Variants in EXD3 observed in about 807,000 individuals in gnomAD.
EXD3 encodes exonuclease mut-7 homolog.
Under a neutral mutation model 98.0 loss-of-function variants are expected in EXD3, and 92 were observed. That is an observed-to-expected ratio of 0.94 (90% CI 0.79 to 1.12). EXD3 has a LOEUF of 1.12. Among genes scored for constraint, EXD3 ranks in the 50% most tolerant of loss-of-function variants. EXD3 has a pLI of 0.00. For missense variants in EXD3, 1,222 were observed against 1,191.6 expected, an observed-to-expected ratio of 1.03 and a Z score of -0.38; for synonymous variants, 569 against 526.0, an observed-to-expected ratio of 1.08 and a Z score of -1.12.
At chr9:137,387,453 G>A (rs528874868) in intron 2 of EXD3, among the ~76,000 whole-genome samples, 14 of 152,294 alleles carry the variant, frequency 9.2e-5, no homozygotes, top group African/African-American at 2.9e-4. Context: ...GCTCAGACAC[G>A]GCCATGCTGA....
At chr9:137,382,830 C>T (rs966446709) in intron 3 of EXD3, among the ~76,000 whole-genome samples, 24 of 152,182 alleles carry the variant, frequency 1.6e-4, no homozygotes, top group East Asian at 5.8e-4. Flanking sequence ...AGCCGGAATC[C>T]GCGTCTGCCC....
intron 12 of EXD3, 35 bp downstream of exon 12, chr9:137,352,031 C>A (rs1415320398): frequency 1.3e-6 from 2 of 1,581,024 alleles, no homozygotes; most frequent in African/African-American, 2.7e-5. Context: ...GGGGATCCCA[C>A]CACCGGGCGC....
chr9:137,381,788 C>T (rs968409506), intron 3 of EXD3, among the ~76,000 whole-genome samples: 1 of 152,228 alleles, frequency 6.6e-6, no homozygotes, highest in Non-Finnish European at 1.5e-5. Context: ...CCATGTGCAG[C>T]CGGCTCTAGG....
chr9:137,412,001 G>GTCTCCC (rs1588440657), intron 1 of EXD3, among the ~76,000 whole-genome samples: 1 of 152,154 alleles, frequency 6.6e-6, no homozygotes, highest in East Asian at 1.9e-4. Flanking sequence ...AGTGGGCTGT[G>GTCTCCC]TGCCCCCCAG....
chr9:137,406,096 G>A (rs894905619), intron 1 of EXD3, among the ~76,000 whole-genome samples: 2 of 151,894 alleles, frequency 1.3e-5, no homozygotes, highest in Non-Finnish European at 2.9e-5. Context: ...TGCACCTGTA[G>A]TCCCAGCTAC....
chr9:137,351,165 C>T lies in EXD3; in HGVS notation c.1385-18G>A, dbSNP rs543839944. 5.1e-5 allele frequency: 79 copies of T among 1,558,786 alleles called. 2 individuals carry two copies. The South Asian group carries it at 6.7e-4, about 13-fold the overall frequency. On this transcript the variant is annotated intron_variant, in intron 13 of 21. Coordinates refer to ENST00000340951, the MANE Select transcript of EXD3 (RefSeq NM_017820.5). ...CCCGTAGCCTGTGGGCAGGAACCAT[C>T]GTGGGAGGGGCGCCTGCAGGCAGGG...
intron 1 of EXD3, among the ~76,000 whole-genome samples, chr9:137,416,464 C>T (rs1212337019): frequency 6.6e-6 from 1 of 152,388 alleles, no homozygotes; most frequent in African/African-American, 2.4e-5. Flanking sequence ...CACCGCCTCA[C>T]CTCCCAGGTC....
chr9:137,392,576 T>TC, intron 2 of EXD3: 1 of 235,942 alleles, frequency 4.2e-6, no homozygotes, highest in Non-Finnish European at 8.5e-6. Context: ...CTTGTGGAGC[T>TC]GGCCTTGTTG....
chr9:137,386,804 G>A lies in EXD3; in HGVS notation c.56-3427C>T, dbSNP rs559956828. On this transcript the variant is annotated intron_variant, in intron 2 of 21. Coordinates refer to ENST00000340951, the MANE Select transcript of EXD3 (RefSeq NM_017820.5). ...GCCTCCCTCAGCACCCCTGCTCCCTGCCTGGCCCCCTCAGCACACCTGCTC... is the reference window on the plus strand; with the variant it reads ...GCCTCCCTCAGCACCCCTGCTCCCTACCTGGCCCCCTCAGCACACCTGCTC... Among the ~76,000 whole-genome samples the A allele has an allele frequency of 1.4e-4, 20 of 143,200 alleles. No homozygotes were observed. In the South Asian group the frequency reaches 4.5e-3, roughly 32 times the overall value. 93.9% of individuals were successfully genotyped at this position (143,200 alleles called of 152,430 possible).
At chr9:137,368,662 C>G (rs962103787) in intron 5 of EXD3, among the ~76,000 whole-genome samples, 1 of 152,252 alleles carries the variant, frequency 6.6e-6, no homozygotes, top group Non-Finnish European at 1.5e-5. Context: ...GCCCCGCCCC[C>G]GCGCAGCCCA....
At chr9:137,416,252 G>A (rs1358673703) in intron 1 of EXD3, among the ~76,000 whole-genome samples, 1 of 152,210 alleles carries the variant, frequency 6.6e-6, no homozygotes, top group Non-Finnish European at 1.5e-5. Flanking sequence ...ACCAGGGGGA[G>A]GGCACTGCAC....
At chr9:137,367,895 C>T (rs1370812250) in intron 6 of EXD3, 41 bp downstream of exon 6, 2 of 1,597,104 alleles carry the variant, frequency 1.3e-6, no homozygotes, top group Non-Finnish European at 1.7e-6. Flanking sequence ...GGGCGTTATC[C>T]AAGTTTGAAC....
rs1413130732 is a variant in EXD3, at chr9:137,385,295, C to A, written c.56-1918G>T. ...GGAGGACGGAGCAAGTGCATCAGCC[C>A]CGGGACGATGCCCAGGTGGGGAGGA... On this transcript the variant is annotated intron_variant, in intron 2 of 21. Transcript: ENST00000340951. The surrounding 1 kb of genome is among the most constrained non-coding windows in gnomAD (Gnocchi z 4.4). Among the ~76,000 whole-genome samples the A allele has an allele frequency of 6.6e-6, 1 of 152,110 alleles. No homozygotes were observed. The highest frequency in any genetic ancestry group is 1.5e-5 in the Non-Finnish European group (1 of 68,034).
intron 3 of EXD3, among the ~76,000 whole-genome samples, chr9:137,378,964 T>TGGG (rs1836064024): frequency 2.1e-5 from 2 of 96,986 alleles, no homozygotes; most frequent in African/African-American, 4.1e-5. Flanking sequence ...CGGTGACCAT[T>TGGG]GCCTGGGGCC....
At position 137,403,275 on chromosome 9, in the gene EXD3, C is replaced by T. The variant is rs1488181303; in HGVS notation, c.-47-7871G>A. 3.3e-5 allele frequency among the ~76,000 whole-genome samples: 5 copies of T among 151,864 alleles called. No homozygotes were observed. The highest frequency in any genetic ancestry group is 7.4e-5 in the Non-Finnish European group (5 of 67,978). ...CCCCACTGTGAGTGACCTGAGGGGC[C>T]CCAGAAGATGCAGACCCGAACGCGT... is the stretch of plus-strand genomic sequence containing the variant. On this transcript the variant is annotated intron_variant, in intron 1 of 21. Transcript: ENST00000340951. The surrounding 1 kb of genome is among the most constrained non-coding windows in gnomAD (Gnocchi z 6.1).
At chr9:137,382,069 AGGGCGCGCGGT>A (rs1836320415) in intron 3 of EXD3, among the ~76,000 whole-genome samples, 1 of 104,800 alleles carries the variant, frequency 9.5e-6, no homozygotes, top group Admixed American at 1.0e-4. Context: ...GGAGGAGGTG[AGGGCGCGCGGT>A]GGAGGTCAGG....
chr9:137,309,842 G>C, intron 19 of EXD3, 142 bp from the exon 20 acceptor site: 1 of 652,342 alleles, frequency 1.5e-6, no homozygotes, highest in Non-Finnish European at 2.7e-6. Flanking sequence ...CTGTCCCCAC[G>C]CATAGTCCTG....
At chr9:137,388,904 GC>G (rs1172927966) in intron 2 of EXD3, among the ~76,000 whole-genome samples, 4 of 152,296 alleles carry the variant, frequency 2.6e-5, no homozygotes, top group African/African-American at 9.6e-5. Flanking sequence ...CCTGCTATCA[GC>G]ACAGCACCCC....
intron 5 of EXD3, 45 bp from the exon 6 acceptor site, chr9:137,368,034 C>A: frequency 6.5e-7 from 1 of 1,547,944 alleles, no homozygotes; most frequent in South Asian, 1.1e-5. Flanking sequence ...CTGGGAGGGG[C>A]CAGGCAGCAC....
Sources: allele counts gnomAD v4.1 joint callset (sites outside exome capture counted in the v4.1 genomes callset), GRCh38; gene constraint gnomAD v4.1.1; non-coding constraint Gnocchi (gnomAD v3.1); transcripts MANE v1.5; gene names NCBI Gene and HGNC (gene_info 2026-07-23, HGNC 2026-07-21).